PLPP4: variants seen among roughly 807,000 people sequenced by gnomAD.
PLPP4 encodes phospholipid phosphatase 4.
Under a neutral mutation model 32.2 loss-of-function variants are expected in PLPP4, and 20 were observed. The observed-to-expected ratio is 0.62, with a 90% CI of 0.44 to 0.90. The LOEUF (loss-of-function observed/expected upper bound fraction) is 0.90, where lower values mean the gene tolerates loss of function less well. PLPP4 is among the 40% of genes least tolerant of loss of function. The probability of loss-of-function intolerance (pLI) is 0.00; values close to 1 mark genes in which losing one functional copy is unlikely to be tolerated. For missense variants in PLPP4, 257 were observed against 353.1 expected, an observed-to-expected ratio of 0.73 and a Z score of 2.18; for synonymous variants, 127 against 133.0, an observed-to-expected ratio of 0.95 and a Z score of 0.31.
intron 5 of PLPP4, among the ~76,000 whole-genome samples, chr10:120,533,383 A>C (rs1235117429): frequency 1.3e-5 from 2 of 152,114 alleles, no homozygotes; most frequent in Non-Finnish European, 2.9e-5. Flanking sequence ...TTATCATTGA[A>C]GTTTAAGTGT....
chr10:120,569,472 G>A (rs541325941), intron 5 of PLPP4, among the ~76,000 whole-genome samples: 69 of 152,302 alleles, frequency 4.5e-4, no homozygotes, highest in African/African-American at 1.5e-3. Flanking sequence ...GTAAGAAAAG[G>A]AGTTTATAGT....
intron 1 of PLPP4, among the ~76,000 whole-genome samples, chr10:120,490,521 T>C (rs1039260954): frequency 6.6e-6 from 1 of 152,252 alleles, no homozygotes; most frequent in Admixed American, 6.5e-5. Context: ...CCTCATTGAA[T>C]GCTCACATGT....
chr10:120,576,728 T>C (rs1319195625), intron 6 of PLPP4, among the ~76,000 whole-genome samples: 2 of 152,122 alleles, frequency 1.3e-5, no homozygotes, highest in Non-Finnish European at 2.9e-5. Flanking sequence ...CAGAAGAGGG[T>C]CACAGGTCTG....
chr10:120,484,570 G>A (rs1844355626), intron 1 of PLPP4, among the ~76,000 whole-genome samples: 1 of 152,092 alleles, frequency 6.6e-6, no homozygotes, highest in Non-Finnish European at 1.5e-5. Context: ...TTCATTCAAC[G>A]GGGCAAAGCC....
At chr10:120,457,099 G>C, upstream of PLPP4, 1 of 225,942 alleles carries the variant, frequency 4.4e-6, no homozygotes, top group East Asian at 1.0e-4. Context: ...CGGCCGGCGC[G>C]GCTTCCCGGA....
intron 5 of PLPP4, among the ~76,000 whole-genome samples, chr10:120,556,919 C>G (rs1326553657): frequency 6.6e-6 from 1 of 151,752 alleles, no homozygotes; most frequent in African/African-American, 2.4e-5. Context: ...TTGCACCAAC[C>G]TAATACTTAG....
chr10:120,533,611 T>G (rs1369223279), intron 5 of PLPP4, among the ~76,000 whole-genome samples: 1 of 152,132 alleles, frequency 6.6e-6, no homozygotes, highest in East Asian at 1.9e-4. Context: ...GTCACATTTT[T>G]CCTATATAGC....
intron 5 of PLPP4, among the ~76,000 whole-genome samples, chr10:120,532,615 C>G (rs1390310741): frequency 6.6e-6 from 1 of 152,156 alleles, no homozygotes; most frequent in Non-Finnish European, 1.5e-5. Flanking sequence ...CATTAGCTCT[C>G]TCCCTCCACC....
chr10:120,534,983 G>A (rs1262786852), intron 5 of PLPP4, among the ~76,000 whole-genome samples: 2 of 151,902 alleles, frequency 1.3e-5, no homozygotes, highest in Non-Finnish European at 2.9e-5. Context: ...TTTTTCTCCT[G>A]GTGTGTGATC....
At chr10:120,496,111 A>C (rs1844952567) in intron 1 of PLPP4, among the ~76,000 whole-genome samples, 1 of 152,202 alleles carries the variant, frequency 6.6e-6, no homozygotes, top group African/African-American at 2.4e-5. Flanking sequence ...AGGATGATGA[A>C]GTCTGTCATC....
chr10:120,563,826 AAAAAAAAAAAAT>A, intron 5 of PLPP4, among the ~76,000 whole-genome samples: 1 of 141,336 alleles, frequency 7.1e-6, no homozygotes, highest in African/African-American at 2.6e-5. Flanking sequence ...AAAAAAAAAA[AAAAAAAAAAAAT>A]CTTGAATTTT....
At chr10:120,578,172 A>G (rs137914000) in intron 6 of PLPP4, among the ~76,000 whole-genome samples, 2 of 152,320 alleles carry the variant, frequency 1.3e-5, no homozygotes, top group South Asian at 2.1e-4. Context: ...AGAAGCAGCA[A>G]TGTTCTGGGA....
chr10:120,457,204 G>GCGCCTCCCT, upstream of PLPP4: 2 of 873,646 alleles, frequency 2.3e-6, no homozygotes, highest in Non-Finnish European at 3.0e-6. Flanking sequence ...GGCCTGGAGC[G>GCGCCTCCCT]CGCCTCCCTC....
chr10:120,557,444 C>T (rs560175836), intron 5 of PLPP4, among the ~76,000 whole-genome samples: 350 of 152,278 alleles, frequency 2.3e-3, no homozygotes, highest in Non-Finnish European at 4.0e-3. Context: ...ATGTCTTATT[C>T]TACTCTGAAC....
chr10:120,579,332 T>G (rs1175078656), intron 6 of PLPP4, among the ~76,000 whole-genome samples: 1 of 152,168 alleles, frequency 6.6e-6, no homozygotes. Flanking sequence ...AATGAAACAT[T>G]CATTTGTTCC....
intron 1 of PLPP4, among the ~76,000 whole-genome samples, chr10:120,490,691 C>T (rs1302368942): frequency 1.3e-5 from 2 of 152,214 alleles, no homozygotes; most frequent in Non-Finnish European, 2.9e-5. Context: ...GAGAAATGGT[C>T]ATGGGTGTCA....
intron 5 of PLPP4, among the ~76,000 whole-genome samples, chr10:120,546,485 C>A (rs1271169680): frequency 6.6e-6 from 1 of 152,170 alleles, no homozygotes; most frequent in African/African-American, 2.4e-5. Context: ...GGAATTCTAA[C>A]CTGGAGATTT....
intron 4 of PLPP4, among the ~76,000 whole-genome samples, chr10:120,519,280 G>A (rs1028883325): frequency 6.6e-6 from 1 of 152,066 alleles, no homozygotes; most frequent in African/African-American, 2.4e-5. Context: ...TGGCATTTGA[G>A]CCTTGGCTTA....
At chr10:120,515,081 C>G (rs943670851) in intron 3 of PLPP4, among the ~76,000 whole-genome samples, 1 of 152,170 alleles carries the variant, frequency 6.6e-6, no homozygotes. Flanking sequence ...GAGAACGCTT[C>G]CTATATAACC....
Sources: gnomAD v4.1 joint callset for allele counts (sites outside exome capture counted in the v4.1 genomes callset) on GRCh38, gnomAD v4.1.1 for gene constraint, MANE v1.5 for transcripts, NCBI Gene and HGNC (gene_info 2026-07-23, HGNC 2026-07-21) for gene names.